DLGAP2: variants seen among roughly 807,000 people sequenced by gnomAD.
The protein encoded by DLGAP2 is disks large-associated protein 2.
A neutral mutation model predicts 100.3 loss-of-function variants in DLGAP2; 26 were observed. The observed-to-expected ratio is 0.26, with a 90% CI of 0.19 to 0.36. The LOEUF (loss-of-function observed/expected upper bound fraction) is 0.36, where lower values mean the gene tolerates loss of function less well. DLGAP2 is among the 10% of genes least tolerant of loss of function. The probability of loss-of-function intolerance (pLI) is 1.00; values close to 1 mark genes in which losing one functional copy is unlikely to be tolerated. For synonymous variants in DLGAP2, 886 were observed against 630.1 expected (o/e 1.41, Z -6.08); for missense variants, 1,858 against 1,453.2 (o/e 1.28, Z -4.53).
At chr8:1,139,522 C>T (rs1256653878) in intron 2 of DLGAP2, among the ~76,000 whole-genome samples, 1 of 152,204 alleles carries the variant, frequency 6.6e-6, no homozygotes, top group African/African-American at 2.4e-5. Context: ...GCAGGAGCCC[C>T]ACCCTCTCAA....
At chr8:1,166,583 G>C (rs553352923) in intron 2 of DLGAP2, among the ~76,000 whole-genome samples, 22 of 152,224 alleles carry the variant, frequency 1.4e-4, no homozygotes, top group African/African-American at 4.3e-4. Context: ...GCAGGTTAAT[G>C]GTGTTTATTT....
chr8:956,367 C>T (rs993772041), intron 2 of DLGAP2, among the ~76,000 whole-genome samples: 4 of 152,158 alleles, frequency 2.6e-5, no homozygotes, highest in African/African-American at 9.7e-5. Context: ...TTATTTGGTG[C>T]ATGAACGGTA....
At chr8:763,526 T>A (rs139268366) in intron 1 of DLGAP2, among the ~76,000 whole-genome samples, 2 of 152,198 alleles carry the variant, frequency 1.3e-5, no homozygotes, top group Non-Finnish European at 2.9e-5. Context: ...CCATTCCTCA[T>A]AGAATTTGCT....
chr8:867,574 G>A lies in DLGAP2; in HGVS notation c.19-40338G>A, dbSNP rs146757047. On this transcript the variant is annotated intron_variant, in intron 1 of 14. Transcript: ENST00000637795. ...TTCAGGCTGGACCTGGTGGTAGCACGCTCTAGGGACATGCACACATCTGAG... is the reference window on the plus strand; with the variant it reads ...TTCAGGCTGGACCTGGTGGTAGCACACTCTAGGGACATGCACACATCTGAG... Among the ~76,000 whole-genome samples the A allele has an allele frequency of 2.5e-3, 376 of 152,306 alleles. 1 individual carries two copies. The highest frequency in any genetic ancestry group is 8.7e-3 in the African/African-American group (361 of 41,566).
intron 6 of DLGAP2, among the ~76,000 whole-genome samples, chr8:1,584,438 A>G (rs1206023487): frequency 1.3e-5 from 2 of 152,134 alleles, no homozygotes; most frequent in Non-Finnish European, 2.9e-5. Context: ...AGGAAGCCAT[A>G]TGCTCCTGGG....
chr8:798,436 G>C (rs1796080955), intron 1 of DLGAP2, among the ~76,000 whole-genome samples: 1 of 148,076 alleles, frequency 6.8e-6, no homozygotes, highest in South Asian at 2.1e-4. Flanking sequence ...TGTTGATTCA[G>C]AACCTGCAGC....
chr8:1,535,823 C>G (rs934902381), intron 4 of DLGAP2, among the ~76,000 whole-genome samples: 1 of 152,136 alleles, frequency 6.6e-6, no homozygotes, highest in Non-Finnish European at 1.5e-5. Context: ...TGAAGGCAGA[C>G]AGTGGGCTGC....
rs1798774292 is a variant in DLGAP2 at position 1,240,746 on chromosome 8, CTCTCGCATGGCGCCGTGTCTAGTTG to C, written c.74-18100_74-18076del. 3.2e-5 allele frequency among the ~76,000 whole-genome samples: 4 copies of C among 125,808 alleles called. 2 individuals carry two copies. The highest frequency in any genetic ancestry group is 3.4e-5 in the Non-Finnish European group (2 of 59,010). The allele number at this position is 125,808 out of a possible 152,430, so 82.5% of individuals were successfully genotyped here. ...CTCTCACATGGCGCCGTGTCTGGTT[CTCTCGCATGGCGCCGTGTCTAGTTG>C]TCTCACATGGTGCCGTTTCTAGTTC... On this transcript the variant is annotated intron_variant, in intron 2 of 14. Transcript: ENST00000637795.
At chr8:800,962 C>T (rs1429069557) in intron 1 of DLGAP2, among the ~76,000 whole-genome samples, 1 of 151,646 alleles carries the variant, frequency 6.6e-6, no homozygotes, top group African/African-American at 2.4e-5. Flanking sequence ...CCCCACCCTT[C>T]CTGGGTCCCC....
Position 1,358,345 on chromosome 8 carries a change from G to A in DLGAP2, c.106+99462G>A, listed in dbSNP as rs553079243. Among the ~76,000 whole-genome samples, 9 of 152,214 alleles carry A rather than the reference G, an allele frequency of 5.9e-5. No homozygotes were observed. In the East Asian group the frequency reaches 9.7e-4, roughly 16 times the overall value. On this transcript the variant is annotated intron_variant, in intron 3 of 14. Coordinates refer to ENST00000637795, the MANE Select transcript of DLGAP2 (RefSeq NM_001346810.2). ...TATGTCAGGTTCAATCGTAGATTAC[G>A]GGAAAAAGGCAGGATGGACAACTCA...
chr8:801,512 C>T (rs780992782), intron 1 of DLGAP2, among the ~76,000 whole-genome samples: 1 of 152,188 alleles, frequency 6.6e-6, no homozygotes, highest in African/African-American at 2.4e-5. Context: ...AAGGAAAGAG[C>T]GGTGAGATCA....
chr8:1,430,258 T>A (rs547205971), intron 3 of DLGAP2, among the ~76,000 whole-genome samples: 39 of 151,876 alleles, frequency 2.6e-4, no homozygotes, highest in African/African-American at 9.4e-4. Context: ...AGATTCTACA[T>A]AAGCATTCGA....
chr8:1,476,155 T>A (rs1307799739), intron 3 of DLGAP2, among the ~76,000 whole-genome samples: 2 of 152,192 alleles, frequency 1.3e-5, no homozygotes, highest in Admixed American at 6.5e-5. Context: ...AGACCTGCTT[T>A]GACTCCCACC....
intron 3 of DLGAP2, among the ~76,000 whole-genome samples, chr8:1,341,313 C>G (rs182903570): frequency 6.6e-6 from 1 of 152,274 alleles, no homozygotes; most frequent in East Asian, 1.9e-4. Flanking sequence ...TGTTTCATAT[C>G]CCCCAGCATT....
At chr8:1,274,254 C>T (rs1399411849) in intron 3 of DLGAP2, among the ~76,000 whole-genome samples, 1 of 152,026 alleles carries the variant, frequency 6.6e-6, no homozygotes, top group African/African-American at 2.4e-5. Context: ...GTGAACTCTT[C>T]CCCACCCACC....
rs142630571 is a variant in DLGAP2, at chr8:1,383,746, C to T, written c.107-117620C>T. Reference sequence around the variant, plus strand: ...CAGTATTAGAATGGCCACGTCAGAGCCTATATTAACTTGACATTAACAAGA... The same window carrying T: ...CAGTATTAGAATGGCCACGTCAGAGTCTATATTAACTTGACATTAACAAGA... On this transcript the variant is annotated intron_variant, in intron 3 of 14. Transcript: ENST00000637795. 2.3e-3 allele frequency among the ~76,000 whole-genome samples: 355 copies of T among 152,286 alleles called. 1 individual carries two copies. The highest frequency in any genetic ancestry group is 7.7e-3 in the African/African-American group (321 of 41,550).
At chr8:1,010,418 A>G (rs901041386) in intron 2 of DLGAP2, among the ~76,000 whole-genome samples, 1 of 152,028 alleles carries the variant, frequency 6.6e-6, no homozygotes, top group East Asian at 1.9e-4. Context: ...ACATACACAC[A>G]TGTGCCCACA....
intron 2 of DLGAP2, among the ~76,000 whole-genome samples, chr8:932,708 T>C (rs1048781733): frequency 6.6e-6 from 1 of 152,210 alleles, no homozygotes; most frequent in Non-Finnish European, 1.5e-5. Flanking sequence ...GAAAGAATCG[T>C]GAACATAAAA....
chr8:1,342,019 C>A (rs757135347), intron 3 of DLGAP2, among the ~76,000 whole-genome samples: 4 of 152,110 alleles, frequency 2.6e-5, no homozygotes, highest in Non-Finnish European at 5.9e-5. Context: ...GGTGTGATCT[C>A]AGGTCACTGC....
Sources: gnomAD v4.1 joint callset for allele counts (sites outside exome capture counted in the v4.1 genomes callset) on GRCh38, gnomAD v4.1.1 for gene constraint, MANE v1.5 for transcripts, NCBI Gene and HGNC (gene_info 2026-07-23, HGNC 2026-07-21) for gene names.